The following TSKS variants were observed in gnomAD, a reference collection of about 807,000 sequenced individuals.
TSKS encodes the protein testis-specific serine kinase substrate.
TSKS carries 27 observed loss-of-function variants against 68.0 expected under a neutral mutation model. The observed-to-expected ratio is 0.40, with a 90% CI of 0.29 to 0.55. The LOEUF (loss-of-function observed/expected upper bound fraction) is 0.55. TSKS is among the 20% of genes least tolerant of loss of function. The probability of loss-of-function intolerance (pLI) is 0.53; values close to 1 mark genes in which losing one functional copy is unlikely to be tolerated. For missense variants in TSKS, 806 were observed against 776.0 expected, an observed-to-expected ratio of 1.04 and a Z score of -0.46; for synonymous variants, 331 against 340.4, an observed-to-expected ratio of 0.97 and a Z score of 0.30.
At chr19:49,759,058 T>A (rs1445727861) in intron 2 of TSKS, among the ~76,000 whole-genome samples, 1 of 151,982 alleles carries the variant, frequency 6.6e-6, no homozygotes, top group Non-Finnish European at 1.5e-5. Flanking sequence ...GGTTTCTCCA[T>A]GTTGATCAGC....
At chr19:49,743,625 G>T (rs2084271171) in intron 8 of TSKS, among the ~76,000 whole-genome samples, 2 of 149,770 alleles carry the variant, frequency 1.3e-5, no homozygotes, top group Non-Finnish European at 3.0e-5. Context: ...AGCCTTCCTA[G>T]TAGCTGGGAC....
intron 2 of TSKS, among the ~76,000 whole-genome samples, chr19:49,753,192 G>A (rs1298298609): frequency 1.3e-5 from 2 of 152,204 alleles, no homozygotes; most frequent in Non-Finnish European, 2.9e-5. Flanking sequence ...TTGGGAGGAT[G>A]AGGTGGGAGG....
At position 49,744,265 on chromosome 19, in the gene TSKS, G is replaced by T; in HGVS notation, c.1327C>A (p.Arg443=). Residue 443 remains arginine (R), a synonymous_variant, in exon 8 of 11, where the codon CGG becomes AGG. Transcript: ENST00000246801. ...CGGGCACAGTTGCCTTGGTGGGACC[G>T]ATCCAGGTTCATGGAGAGGTCAGGC... ...RGPDLSMNLD[R]SHQGNCARCA... is the part of the protein sequence containing the mutation. The T allele has an allele frequency of 6.2e-7, 1 of 1,613,968 alleles. No individual in the cohort carries two copies. The highest frequency in any genetic ancestry group is 8.5e-7 in the Non-Finnish European group (1 of 1,179,872).
At position 49,748,364 on chromosome 19, in the gene TSKS, G is replaced by C. The variant is rs1353675866; in HGVS notation, c.495+10C>G. On this transcript the variant is annotated intron_variant, in intron 3 of 10. Coordinates refer to ENST00000246801, the MANE Select transcript of TSKS (RefSeq NM_021733.2). ...GAAGGGCAGGTGTTGGATATAGGGG[G>C]TCCTCACACCTGCAGAGACTGCACG... is the stretch of plus-strand genomic sequence containing the variant. The C allele has an allele frequency of 1.2e-6, 2 of 1,612,792 alleles. No homozygotes were observed. Among genetic ancestry groups the C allele is most frequent in the Non-Finnish European group, 1.7e-6 (2 of 1,178,980 alleles).
Position 49,742,017 on chromosome 19 carries a change from C to T in TSKS, c.1365G>A (p.Gln455=). The T allele has an allele frequency of 6.2e-7, 1 of 1,613,926 alleles. No homozygotes were observed. The highest frequency in any genetic ancestry group is 8.5e-7 in the Non-Finnish European group (1 of 1,180,006). Residue 455 remains glutamine (Q), a synonymous_variant, in exon 9 of 11, where the codon CAG becomes CAA. Coordinates refer to ENST00000246801, the MANE Select transcript of TSKS (RefSeq NM_021733.2). ...GGGACTCCGTAGACAACTGCGACCC[C>T]TGGCTGGGGGAGGGGCGGTCACCAG... ...HQGNCARCAS[Q]GSQLSTESLQ... is the part of the protein sequence containing the mutation.
chr19:49,756,233 G>GCT (rs2084391420), intron 2 of TSKS, among the ~76,000 whole-genome samples: 1 of 152,000 alleles, frequency 6.6e-6, no homozygotes, highest in African/African-American at 2.4e-5. Flanking sequence ...TGAGACAGGA[G>GCT]GATCACCTGA....
intron 2 of TSKS, among the ~76,000 whole-genome samples, chr19:49,751,952 T>C (rs908568444): frequency 2.7e-5 from 4 of 148,660 alleles, no homozygotes; most frequent in African/African-American, 1.0e-4. Flanking sequence ...TGTGCACCTG[T>C]AGTCCCAGCT....
intron 2 of TSKS, among the ~76,000 whole-genome samples, chr19:49,757,258 C>T (rs1213538187): frequency 6.6e-6 from 1 of 152,218 alleles, no homozygotes; most frequent in African/African-American, 2.4e-5. Context: ...ATTTTGGTAG[C>T]ACAACCTCTG....
At chr19:49,759,141 G>A (rs758985110) in intron 2 of TSKS, among the ~76,000 whole-genome samples, 53 of 151,760 alleles carry the variant, frequency 3.5e-4, no homozygotes, top group Non-Finnish European at 6.2e-4. Flanking sequence ...ACAGGCATGA[G>A]CCACGAAGCC....
In TSKS at chr19:49,745,354, C is replaced by T. The variant is rs776671758; in HGVS notation, c.1035G>A (p.Glu345=). The T allele has an allele frequency of 2.0e-5, 32 of 1,594,208 alleles. No homozygotes were observed. The highest frequency in any genetic ancestry group is 4.0e-5 in the African/African-American group (3 of 74,664). The change falls in exon 7 of 11, where the codon GAG becomes GAA. Residue 345 remains glutamate, a synonymous_variant. Transcript: ENST00000246801. ...SSLTARWHQE[E]GAVQEALRLL... The stretch of plus-strand genomic sequence containing the variant: ...GCCGCAGGGCTTCCTGCACCGCCCC[C>T]TCCTCCTGATGCCACCGGGCGGTCA...
At chr19:49,743,896 G>A (rs1359298166) in intron 8 of TSKS, among the ~76,000 whole-genome samples, 2 of 151,674 alleles carry the variant, frequency 1.3e-5, no homozygotes, top group Non-Finnish European at 2.9e-5. Flanking sequence ...TAGTAGATAC[G>A]GGGTTTCACC....
rs2084236637 is a variant in TSKS at position 49,739,865 on chromosome 19, G to A, written c.1690C>T (p.Leu564=). Residue 564 remains leucine (L), a synonymous_variant, in exon 11 of 11, where the codon CTG becomes TTG. Coordinates refer to ENST00000246801, the MANE Select transcript of TSKS (RefSeq NM_021733.2). ...GTTCCCGTGGACCCCTCAAGTGGCA[G>A]GTTGCTGAGATGATCGTGGAGGGAG... The part of the protein sequence containing the change: ...MCSLHDHLSN[L]PLEGSTGTMG... 6.2e-7 allele frequency: 1 copy of A among 1,614,156 alleles called. No individual in the cohort carries two copies. The highest frequency in any genetic ancestry group is 2.2e-5 in the East Asian group (1 of 44,878).
At chr19:49,741,366 A>G (rs536541252) in intron 9 of TSKS, among the ~76,000 whole-genome samples, 1 of 152,206 alleles carries the variant, frequency 6.6e-6, no homozygotes, top group Admixed American at 6.5e-5. Flanking sequence ...AATATCCCAT[A>G]ATACAGTGCA....
intron 8 of TSKS, 151 bp downstream of exon 8, chr19:49,744,080 T>C (rs1202448240): frequency 4.0e-6 from 3 of 754,122 alleles, no homozygotes; most frequent in Admixed American, 2.7e-5. Flanking sequence ...AGGCTTCTAG[T>C]GCAGCAGGAC....
chr19:49,763,080 G>A lies in TSKS; in HGVS notation c.168C>T (p.His56=), dbSNP rs372677523. Residue 56 remains histidine, a splice_region_variant and synonymous_variant, in exon 1 of 11, where the codon CAC becomes CAT. Coordinates refer to ENST00000246801, the MANE Select transcript of TSKS (RefSeq NM_021733.2). This position sits in a 1 kb window ranked among gnomAD's most constrained non-coding sequence, Gnocchi z 4.5. ...CTGACAGTGTGCAACAAACCCACCC[G>A]TGGAACGACACGGCCTTCTTTTTCT... ...IPKKKKAVSF[H]GVEPQMSHQP... is the part of the protein sequence containing the mutation. The A allele has an allele frequency of 6.3e-5, 101 of 1,611,150 alleles. No individual in the cohort carries two copies. Among genetic ancestry groups the A allele is most frequent in the African/African-American group, 9.4e-5 (7 of 74,720 alleles).
intron 8 of TSKS, among the ~76,000 whole-genome samples, chr19:49,743,215 A>G (rs952663295): frequency 4.0e-5 from 6 of 150,984 alleles, no homozygotes; most frequent in Non-Finnish European, 7.4e-5. Context: ...AGTAGCTGGG[A>G]TTACAGGTGC....
chr19:49,761,094 A>G (rs770582387), intron 2 of TSKS, among the ~76,000 whole-genome samples: 1 of 152,046 alleles, frequency 6.6e-6, no homozygotes, highest in South Asian at 2.1e-4. Flanking sequence ...CTCTGTCTCA[A>G]TAAATAAATA....
At chr19:49,758,068 T>G (rs2084407394) in intron 2 of TSKS, among the ~76,000 whole-genome samples, 1 of 148,700 alleles carries the variant, frequency 6.7e-6, no homozygotes, top group Non-Finnish European at 1.5e-5. Flanking sequence ...GTCTCTGTCC[T>G]CCTCTCTCTC....
At chr19:49,744,058 T>TG (rs1260902050) in intron 8 of TSKS, among the ~76,000 whole-genome samples, 173 bp downstream of exon 8, 1 of 152,052 alleles carries the variant, frequency 6.6e-6, no homozygotes, top group African/African-American at 2.4e-5. Flanking sequence ...CCTTGTAGAG[T>TG]GGGAACAAAT....
Sources: gnomAD v4.1 joint callset for allele counts (sites outside exome capture counted in the v4.1 genomes callset) on GRCh38, gnomAD v4.1.1 for gene constraint, Gnocchi (gnomAD v3.1) non-coding constraint, MANE v1.5 for transcripts, NCBI Gene and HGNC (gene_info 2026-07-23, HGNC 2026-07-21) for gene names.